The following SLC26A8 variants were observed in gnomAD, a reference collection of about 807,000 sequenced individuals.
SLC26A8 encodes solute carrier family 26 member 8, also known as testis anion transporter 1.
In SLC26A8, 70 loss-of-function variants were observed where a neutral mutation model predicts 105.0. The ratio of observed to expected loss-of-function variants is 0.67; its 90% CI spans 0.55 to 0.81. The LOEUF is 0.81. Ranked by LOEUF, SLC26A8 falls within the 40% of genes least tolerant of loss-of-function variation. The pLI is 0.00. For synonymous variants in SLC26A8, 415 were observed against 438.3 expected (o/e 0.95, Z 0.66); for missense variants, 998 against 1,181.8 (o/e 0.84, Z 2.28).
chr6:35,982,195 G>A lies in SLC26A8; in HGVS notation c.951C>T (p.Gly317=). ...TTATCTTGTTTGCAATCACAGTGAAGCCAATAATCTGTAGGGGGTAAAAAA... is the reference window on the plus strand; with the variant it reads ...TTATCTTGTTTGCAATCACAGTGAAACCAATAATCTGTAGGGGGTAAAAAA... ...EFPMELFLII[G]FTVIANKISM... is the part of the protein sequence containing the mutation. The change falls in exon 8 of 20, where the codon GGC becomes GGT. Residue 317 remains glycine (G), a synonymous_variant. Transcript: ENST00000490799. The A allele has an allele frequency of 6.2e-7, 1 of 1,614,004 alleles. No homozygotes were observed. The highest frequency in any genetic ancestry group is 8.5e-7 in the Non-Finnish European group (1 of 1,179,978).
At position 35,977,391 on chromosome 6, in the gene SLC26A8, T is replaced by G. The variant is rs1179853360; in HGVS notation, c.1026-40A>C. ...TGGAATTATTTCTGGATAGCAGGAA[T>G]CCTTTCTTGGTACCTCCGCCACTCT... On this transcript the variant is annotated intron_variant, in intron 8 of 19. Coordinates refer to ENST00000490799, the MANE Select transcript of SLC26A8 (RefSeq NM_052961.4). 3.8e-6 allele frequency: 6 copies of G among 1,590,714 alleles called. No homozygotes were observed. In the Admixed American group the frequency reaches 1.1e-4, roughly 28 times the overall value.
intron 2 of SLC26A8, among the ~76,000 whole-genome samples, chr6:36,013,538 T>C (rs923688776): frequency 6.6e-6 from 1 of 152,162 alleles, no homozygotes; most frequent in African/African-American, 2.4e-5. Context: ...CATCACAGAA[T>C]ACACAGGCCA....
intron 15 of SLC26A8, 42 bp downstream of exon 15, chr6:35,959,672 G>C: frequency 6.2e-7 from 1 of 1,604,500 alleles, no homozygotes; most frequent in Non-Finnish European, 8.5e-7. Flanking sequence ...GCCAGTGGCG[G>C]GGAGTGGGCA....
chr6:35,972,338 G>C (rs1223957053), intron 10 of SLC26A8, among the ~76,000 whole-genome samples: 18 of 151,542 alleles, frequency 1.2e-4, no homozygotes, highest in Non-Finnish European at 1.3e-4. Context: ...GGGGGCTGAA[G>C]TGAGAAGATC....
chr6:36,006,367 C>T (rs1196031900), intron 3 of SLC26A8, among the ~76,000 whole-genome samples: 2 of 152,116 alleles, frequency 1.3e-5, no homozygotes, highest in East Asian at 3.9e-4. Context: ...TGATTCACCT[C>T]CCTCAGCCTC....
intron 9 of SLC26A8, 87 bp downstream of exon 9, chr6:35,977,117 T>A: frequency 6.9e-7 from 1 of 1,453,862 alleles, no homozygotes. Context: ...GGCTCTTCAG[T>A]TAAAAAAGAC....
intron 6 of SLC26A8, 96 bp from the exon 7 acceptor site, chr6:35,991,904 C>T (rs1161676105): frequency 8.0e-7 from 1 of 1,246,916 alleles, no homozygotes; most frequent in Non-Finnish European, 1.1e-6. Flanking sequence ...AAGAAGTCCC[C>T]AAGTAGAGTT....
At chr6:36,024,468 C>T (rs1762208646) in intron 1 of SLC26A8, 36 bp downstream of exon 1, 1 of 448,356 alleles carries the variant, frequency 2.2e-6, no homozygotes, top group Non-Finnish European at 4.4e-6. Flanking sequence ...GGACCTGCAG[C>T]CCCCGGCGCC....
chr6:35,951,310 A>G lies in SLC26A8; in HGVS notation c.2325T>C (p.Phe775=). Residue 775 remains phenylalanine (F), a synonymous_variant, in exon 19 of 20, where the codon TTT becomes TTC. Transcript: ENST00000490799. ...IVRAFERNDF[F]DAGITKTQLF... Reference sequence around the variant, plus strand: ...GCTGGGTCTTGGTGATGCCAGCGTCAAAGAAATCATTCCTCTCAAATGCCC... The same window carrying G: ...GCTGGGTCTTGGTGATGCCAGCGTCGAAGAAATCATTCCTCTCAAATGCCC... The G allele has an allele frequency of 6.2e-7, 1 of 1,614,108 alleles. No homozygotes were observed. The highest frequency in any genetic ancestry group is 8.5e-7 in the Non-Finnish European group (1 of 1,180,028).
rs1761474911 is a variant in SLC26A8, at chr6:36,000,030, A to C, written c.407T>G (p.Ile136Ser). The C allele has an allele frequency of 6.2e-7, 1 of 1,613,996 alleles. No individual in the cohort carries two copies. The highest frequency in any genetic ancestry group is 1.7e-5 in the Admixed American group (1 of 59,984). The change falls in exon 4 of 20, where the codon ATC becomes AGC. Residue 136 changes from isoleucine to serine, a missense_variant. Ile to Ser is a moderately radical substitution (Grantham distance 142). Coordinates refer to ENST00000490799, the MANE Select transcript of SLC26A8 (RefSeq NM_052961.4). Reference protein sequence around the residue: ...IAYAAFCSSVIYVIFGSCHQM... With the variant: ...IAYAAFCSSVSYVIFGSCHQM... ...ATGACACGATCCAAAAATTACATAGATTACCGAAGAACAGAAAGCTGCATA... is the reference window on the plus strand; with the variant it reads ...ATGACACGATCCAAAAATTACATAGCTTACCGAAGAACAGAAAGCTGCATA...
intron 19 of SLC26A8, among the ~76,000 whole-genome samples, chr6:35,945,312 G>A (rs984201452): frequency 6.6e-6 from 1 of 152,122 alleles, no homozygotes. Flanking sequence ...GGCTTTTCTA[G>A]CTAGACCGGA....
At chr6:36,008,510 A>C (rs1019720442) in intron 3 of SLC26A8, among the ~76,000 whole-genome samples, 1 of 152,200 alleles carries the variant, frequency 6.6e-6, no homozygotes, top group African/African-American at 2.4e-5. Flanking sequence ...ACTTCTTAGA[A>C]TGGCTAAAAT....
At chr6:35,987,202 TAGTATAA>T (rs1309561176) in intron 7 of SLC26A8, among the ~76,000 whole-genome samples, 1 of 152,162 alleles carries the variant, frequency 6.6e-6, no homozygotes, top group Admixed American at 6.5e-5. Flanking sequence ...CTGGATTAGT[TAGTATAA>T]GTGGGTTATG....
chr6:35,953,554 T>A (rs1482764328), intron 17 of SLC26A8, among the ~76,000 whole-genome samples: 1 of 152,012 alleles, frequency 6.6e-6, no homozygotes, highest in Non-Finnish European at 1.5e-5. Flanking sequence ...CTGAATAAAA[T>A]CTAAAGTAAC....
intron 1 of SLC26A8, among the ~76,000 whole-genome samples, chr6:36,020,840 A>G (rs1762111669): frequency 6.6e-6 from 1 of 152,208 alleles, no homozygotes; most frequent in Non-Finnish European, 1.5e-5. Context: ...GTAAACCCTC[A>G]AATTATATAG....
In SLC26A8 at chr6:36,008,963, A is replaced by G. The variant is rs773345611; in HGVS notation, c.328+3270T>C. 3.3e-5 allele frequency among the ~76,000 whole-genome samples: 5 copies of G among 152,338 alleles called. No individual in the cohort carries two copies. In the East Asian group the frequency reaches 9.6e-4, roughly 29 times the overall value. On this transcript the variant is annotated intron_variant, in intron 3 of 19. Coordinates refer to ENST00000490799, the MANE Select transcript of SLC26A8 (RefSeq NM_052961.4). ...AGCCACTCTGGAAAACAGGTTGGTG[A>G]AAAAAGGCAACAGGCAACTCCTATA...
Position 35,944,103 on chromosome 6 carries a change from G to T in SLC26A8, c.2710C>A (p.Pro904Thr). ...GGCTCCATCTCAGGCTCAGTCTCAG[G>T]CTGGGGCTCCATCTCGGTCTGGGTC... ...TKTQTEMEPQ[P>T]ETEPEMEPNP... Residue 904 changes from proline (P) to threonine (T), a missense_variant, in exon 20 of 20, where the codon CCT becomes ACT. Coordinates refer to ENST00000490799, the MANE Select transcript of SLC26A8 (RefSeq NM_052961.4). 1 of 1,614,038 alleles carries T rather than the reference G, an allele frequency of 6.2e-7. No homozygotes were observed. The highest frequency in any genetic ancestry group is 8.5e-7 in the Non-Finnish European group (1 of 1,179,986).
chr6:35,997,960 C>A (rs1391055884), intron 4 of SLC26A8, 41 bp from the exon 5 acceptor site: 4 of 1,577,972 alleles, frequency 2.5e-6, no homozygotes, highest in Non-Finnish European at 2.6e-6. Context: ...AGTTTCAAGT[C>A]CAGGTAAACT....
At chr6:36,011,686 C>T (rs894347373) in intron 3 of SLC26A8, among the ~76,000 whole-genome samples, 2 of 152,100 alleles carry the variant, frequency 1.3e-5, no homozygotes, top group African/African-American at 2.4e-5. Context: ...CTGCTCACTA[C>T]AGTCTCGACC....
Sources: gnomAD v4.1 joint callset for allele counts (sites outside exome capture counted in the v4.1 genomes callset) on GRCh38, gnomAD v4.1.1 for gene constraint, MANE v1.5 for transcripts, NCBI Gene and HGNC (gene_info 2026-07-23, HGNC 2026-07-21) for gene names.